Variants in ME1 observed in about 807,000 individuals in gnomAD.
The protein encoded by ME1 is malic enzyme 1.
Under a neutral mutation model 66.4 loss-of-function variants are expected in ME1, and 74 were observed. The observed-to-expected ratio is 1.11, with a 90% CI of 0.92 to 1.35. The LOEUF (loss-of-function observed/expected upper bound fraction) is 1.35, where lower values mean the gene tolerates loss of function less well. Ranked by LOEUF, ME1 falls within the 40% of genes most tolerant of loss-of-function variation. The pLI is 0.00. For synonymous variants in ME1, 251 were observed against 235.6 expected, an observed-to-expected ratio of 1.07 and a Z score of -0.60; for missense variants, 750 against 694.1, an observed-to-expected ratio of 1.08 and a Z score of -0.90.
rs59788379 is a variant in ME1 at position 83,406,971 on chromosome 6, T to TACACACACACAC, written c.212+785_212+796dup. 5.2e-3 allele frequency among the ~76,000 whole-genome samples: 754 copies of TACACACACACAC among 143,968 alleles called. 8 individuals are homozygous for TACACACACACAC. Among genetic ancestry groups the TACACACACACAC allele is most frequent in the African/African-American group, 0.016 (634 of 38,542 alleles). The allele number at this position is 143,968 out of a possible 152,430, so 94.4% of individuals were successfully genotyped here. On this transcript the variant is annotated intron_variant, in intron 2 of 13. Transcript: ENST00000369705. Reference sequence around the variant, plus strand: ...CCATTTATATTTATATTTTCATTCATACACACACACACACACACACACACA... The same window carrying TACACACACACAC: ...CCATTTATATTTATATTTTCATTCATACACACACACACACACACACACACACACACACACACA...
chr6:83,264,504 G>C (rs1423318983), intron 6 of ME1, among the ~76,000 whole-genome samples: 1 of 152,124 alleles, frequency 6.6e-6, no homozygotes, highest in Non-Finnish European at 1.5e-5. Context: ...AAAGTAAATT[G>C]AAAACCTCTG....
chr6:83,309,713 AC>A (rs1040662804), intron 6 of ME1, among the ~76,000 whole-genome samples: 30 of 152,278 alleles, frequency 2.0e-4, no homozygotes, highest in African/African-American at 7.2e-4. Context: ...TGATGAGATT[AC>A]CAAGGAAGTG....
At chr6:83,402,762 T>C (rs978128123) in intron 2 of ME1, among the ~76,000 whole-genome samples, 1 of 152,052 alleles carries the variant, frequency 6.6e-6, no homozygotes, top group African/African-American at 2.4e-5. Context: ...AAGGTTTGAG[T>C]CACCCTCACC....
chr6:83,263,094 G>A (rs1277715530), intron 6 of ME1, among the ~76,000 whole-genome samples: 1 of 151,990 alleles, frequency 6.6e-6, no homozygotes, highest in Admixed American at 6.6e-5. Flanking sequence ...TCAAACTTTT[G>A]CATTATTATT....
At chr6:83,386,470 C>CAGGACTACCTAAAGGTTT (rs2128549226) in intron 3 of ME1, among the ~76,000 whole-genome samples, 1 of 151,878 alleles carries the variant, frequency 6.6e-6, no homozygotes, top group South Asian at 2.1e-4. Context: ...CTCTAGTATC[C>CAGGACTACCTAAAGGTTT]AGGACTACCT....
chr6:83,315,305 C>T lies in ME1; in HGVS notation c.704+5G>A. 1.9e-6 allele frequency: 3 copies of T among 1,551,926 alleles called. No individual in the cohort carries two copies. The highest frequency in any genetic ancestry group is 1.4e-5 in the African/African-American group (1 of 73,436). The stretch of plus-strand genomic sequence containing the variant: ...CTAAAATATAGGTTAAATAAAGATA[C>T]ATACTTGGAAGAAACTGCCTCCATG... On this transcript the variant is annotated splice_donor_5th_base_variant and intron_variant, in intron 6 of 13. Transcript: ENST00000369705.
intron 7 of ME1, among the ~76,000 whole-genome samples, chr6:83,248,749 C>T (rs1790667835): frequency 6.6e-6 from 1 of 152,128 alleles, no homozygotes; most frequent in African/African-American, 2.4e-5. Context: ...TTGCCTTCTA[C>T]GATGATTGTA....
At chr6:83,399,038 G>C (rs1769795095) in intron 2 of ME1, among the ~76,000 whole-genome samples, 1 of 152,018 alleles carries the variant, frequency 6.6e-6, no homozygotes, top group Admixed American at 6.5e-5. Context: ...CTGTCGCCCA[G>C]GCTGGAGTGC....
intron 7 of ME1, among the ~76,000 whole-genome samples, chr6:83,248,364 A>G (rs903921755): frequency 6.6e-6 from 1 of 152,226 alleles, no homozygotes; most frequent in Non-Finnish European, 1.5e-5. Flanking sequence ...TGGCTGTTTT[A>G]GAGAACACTG....
At chr6:83,293,953 T>C (rs974265215) in intron 6 of ME1, among the ~76,000 whole-genome samples, 2 of 152,244 alleles carry the variant, frequency 1.3e-5, no homozygotes, top group Non-Finnish European at 2.9e-5. Context: ...TAGCTATATA[T>C]ACTTCTAGGC....
chr6:83,339,503 A>G (rs1257286769), intron 5 of ME1, among the ~76,000 whole-genome samples: 7 of 22,934 alleles, frequency 3.1e-4, no homozygotes, highest in African/African-American at 7.9e-4. Context: ...TCATGCTGCT[A>G]TAAAGACACA....
rs191683873 is a variant in ME1 at position 83,417,371 on chromosome 6, T to C, written c.79-9470A>G. Among the ~76,000 whole-genome samples, 147 of 63,252 alleles carry C rather than the reference T, an allele frequency of 2.3e-3. 1 individual carries two copies. Among genetic ancestry groups the C allele is most frequent in the Non-Finnish European group, 2.9e-3 (91 of 31,238 alleles). 41.5% of individuals were successfully genotyped at this position (63,252 alleles called of 152,430 possible). A position where few individuals can be genotyped will look rare whatever the true frequency, so the allele number is the denominator to read the frequency against. ...ACTAACATGTTTTTTTTGTTGTTTT[T>C]TGTTGTTGTTGTTGTTGTTGTTGTT... On this transcript the variant is annotated intron_variant, in intron 1 of 13. Coordinates refer to ENST00000369705, the MANE Select transcript of ME1 (RefSeq NM_002395.6).
chr6:83,222,967 C>T (rs932020460), intron 12 of ME1, among the ~76,000 whole-genome samples: 1 of 152,158 alleles, frequency 6.6e-6, no homozygotes, highest in Non-Finnish European at 1.5e-5. Flanking sequence ...CAACTAATTT[C>T]CTATTTTGAT....
chr6:83,362,798 C>A (rs993996799), intron 3 of ME1, among the ~76,000 whole-genome samples: 1 of 152,234 alleles, frequency 6.6e-6, no homozygotes, highest in African/African-American at 2.4e-5. Context: ...TGTGGACTCA[C>A]AGAATGCCTT....
In ME1 at chr6:83,376,804, C is replaced by CCAAAAAAAAAAAAAAAAAAAA. The variant is rs768668584; in HGVS notation, c.362+21562_362+21563insTTTTTTTTTTTTTTTTTTTTG. 2.6e-4 allele frequency among the ~76,000 whole-genome samples: 23 copies of CCAAAAAAAAAAAAAAAAAAAA among 87,130 alleles called. 1 individual carries two copies. Among genetic ancestry groups the CCAAAAAAAAAAAAAAAAAAAA allele is most frequent in the African/African-American group, 9.0e-4 (23 of 25,648 alleles). The allele number at this position is 87,130 out of a possible 152,430, so 57.2% of individuals were successfully genotyped here. A position where few individuals can be genotyped will look rare whatever the true frequency, so the allele number is the denominator to read the frequency against. ...GGCGACAGAACCAGACCCTGTCTCACAAAAAAAAAAAAAAAATTCAAAAAA... is the reference window on the plus strand; with the variant it reads ...GGCGACAGAACCAGACCCTGTCTCACCAAAAAAAAAAAAAAAAAAAAAAAAAAAAAAAAAAAATTCAAAAAA... On this transcript the variant is annotated intron_variant, in intron 3 of 13. Coordinates refer to ENST00000369705, the MANE Select transcript of ME1 (RefSeq NM_002395.6).
At chr6:83,419,353 T>C (rs184240599) in intron 1 of ME1, among the ~76,000 whole-genome samples, 16 of 152,338 alleles carry the variant, frequency 1.1e-4, no homozygotes, top group Admixed American at 7.2e-4. Flanking sequence ...CCTGATATCA[T>C]GATTCTTAAT....
chr6:83,232,460 T>C (rs1307813505), intron 9 of ME1, among the ~76,000 whole-genome samples: 3 of 152,208 alleles, frequency 2.0e-5, no homozygotes, highest in Non-Finnish European at 4.4e-5. Context: ...GTGAACTCCA[T>C]CAGTATTTAA....
intron 5 of ME1, 68 bp downstream of exon 5, chr6:83,346,105 G>A (rs899627602): frequency 4.7e-5 from 59 of 1,242,224 alleles, no homozygotes; most frequent in Non-Finnish European, 5.3e-5. Flanking sequence ...CCTGGAATAA[G>A]TTCAAAATGC....
At chr6:83,419,057 A>C (rs1370094156) in intron 1 of ME1, among the ~76,000 whole-genome samples, 1 of 152,232 alleles carries the variant, frequency 6.6e-6, no homozygotes, top group Non-Finnish European at 1.5e-5. Flanking sequence ...AAAGATGAGC[A>C]CTAGAAAGAA....
Sources: gnomAD v4.1 joint callset for allele counts (sites outside exome capture counted in the v4.1 genomes callset) on GRCh38, gnomAD v4.1.1 for gene constraint, MANE v1.5 for transcripts, NCBI Gene and HGNC (gene_info 2026-07-23, HGNC 2026-07-21) for gene names.